Variants in NRG3 observed in about 807,000 individuals in gnomAD.
NRG3 encodes the protein pro-neuregulin-3, membrane-bound isoform.
NRG3 carries 31 observed loss-of-function variants against 66.9 expected under a neutral mutation model. The observed-to-expected ratio is 0.46, with a 90% confidence interval of 0.35 to 0.63. The LOEUF (loss-of-function observed/expected upper bound fraction) is 0.63, where lower values mean the gene tolerates loss of function less well. NRG3 is among the 20% of genes least tolerant of loss of function. NRG3 has a pLI of 0.00. For missense variants in NRG3, 910 were observed against 878.9 expected, an observed-to-expected ratio of 1.04 and a Z score of -0.45; for synonymous variants, 393 against 359.4, an observed-to-expected ratio of 1.09 and a Z score of -1.06.
At chr10:81,952,686 C>T (rs963131469) in intron 1 of NRG3, among the ~76,000 whole-genome samples, 2 of 152,052 alleles carry the variant, frequency 1.3e-5, no homozygotes, top group Non-Finnish European at 2.9e-5. Flanking sequence ...CTGAATGGAG[C>T]CTTGAACTCC....
At chr10:82,240,906 AT>A (rs1198719254) in intron 1 of NRG3, among the ~76,000 whole-genome samples, 1 of 151,896 alleles carries the variant, frequency 6.6e-6, no homozygotes, top group Admixed American at 6.6e-5. Flanking sequence ...AGCCTCTAAG[AT>A]TTTTTTTAAA....
chr10:82,739,962 G>A (rs2058339675), intron 3 of NRG3, among the ~76,000 whole-genome samples: 1 of 151,504 alleles, frequency 6.6e-6, no homozygotes, highest in African/African-American at 2.4e-5. Context: ...TAGGAAACTT[G>A]CATAAAATAA....
chr10:82,700,116 T>G (rs2055746511), intron 2 of NRG3, among the ~76,000 whole-genome samples: 1 of 152,150 alleles, frequency 6.6e-6, no homozygotes, highest in Admixed American at 6.6e-5. Context: ...TGAACTTACT[T>G]TCAGCGCTTG....
At chr10:82,662,304 CA>C in intron 2 of NRG3, among the ~76,000 whole-genome samples, 1 of 152,012 alleles carries the variant, frequency 6.6e-6, no homozygotes, top group South Asian at 2.1e-4. Flanking sequence ...CAGGTATAAT[CA>C]CACTCTGCTT....
intron 3 of NRG3, among the ~76,000 whole-genome samples, chr10:82,833,903 C>T (rs1564547305): frequency 6.6e-6 from 1 of 152,128 alleles, no homozygotes; most frequent in Non-Finnish European, 1.5e-5. Flanking sequence ...TTTAATATTC[C>T]TGTCTCTTAA....
intron 1 of NRG3, among the ~76,000 whole-genome samples, chr10:82,281,737 A>C (rs186637567): frequency 0.016 from 2,385 of 152,294 alleles, 24 homozygotes; most frequent in Middle Eastern, 0.061. Context: ...AAGGGAGGGC[A>C]GAGGAAGATG....
intron 3 of NRG3, among the ~76,000 whole-genome samples, chr10:82,788,608 A>C (rs2060464759): frequency 6.6e-6 from 1 of 152,024 alleles, no homozygotes; most frequent in African/African-American, 2.4e-5. Flanking sequence ...ATGAAAAGAG[A>C]ATAAACTATC....
intron 1 of NRG3, among the ~76,000 whole-genome samples, chr10:82,056,916 T>G (rs1406547820): frequency 6.6e-6 from 1 of 152,184 alleles, no homozygotes; most frequent in Non-Finnish European, 1.5e-5. Context: ...CTATTTATTT[T>G]TACACTGCAA....
chr10:81,991,723 A>G (rs2060748831), intron 1 of NRG3, among the ~76,000 whole-genome samples: 1 of 152,182 alleles, frequency 6.6e-6, no homozygotes, highest in Non-Finnish European at 1.5e-5. Context: ...TTGCTATTTG[A>G]TGATATTTAA....
chr10:82,764,630 T>C (rs2059450345), intron 3 of NRG3, among the ~76,000 whole-genome samples: 1 of 151,014 alleles, frequency 6.6e-6, no homozygotes, highest in Non-Finnish European at 1.5e-5. Flanking sequence ...CCCAAAGTGC[T>C]CCCAAAGTAC....
chr10:82,045,905 C>T (rs540712190), intron 1 of NRG3, among the ~76,000 whole-genome samples: 1 of 151,060 alleles, frequency 6.6e-6, no homozygotes, highest in African/African-American at 2.4e-5. Flanking sequence ...TCTAAGGGCT[C>T]TGTTCTGTTC....
At chr10:82,406,630 TACAG>T (rs2087542419) in intron 2 of NRG3, among the ~76,000 whole-genome samples, 1 of 152,172 alleles carries the variant, frequency 6.6e-6, no homozygotes, top group Admixed American at 6.5e-5. Context: ...TTGCCCAATT[TACAG>T]ACAAAGAAAC....
chr10:82,457,252 A>G (rs867239243), intron 2 of NRG3, among the ~76,000 whole-genome samples: 10 of 151,980 alleles, frequency 6.6e-5, no homozygotes, highest in Non-Finnish European at 1.0e-4. Context: ...GTGGAAGACA[A>G]TTTTTTTCCA....
At chr10:82,982,173 G>A (rs761023857) in intron 8 of NRG3, among the ~76,000 whole-genome samples, 10 of 152,198 alleles carry the variant, frequency 6.6e-5, no homozygotes, top group Admixed American at 6.5e-4. Flanking sequence ...AAGCGTGGAT[G>A]CCTTCAAAAT....
intron 1 of NRG3, among the ~76,000 whole-genome samples, chr10:82,174,972 AT>A (rs1250839924): frequency 1.3e-5 from 2 of 152,044 alleles, no homozygotes; most frequent in African/African-American, 2.4e-5. Context: ...CTCTAAATTG[AT>A]TTTTCCCTCT....
At chr10:82,895,960 G>A (rs2131837490) in intron 4 of NRG3, among the ~76,000 whole-genome samples, 1 of 152,228 alleles carries the variant, frequency 6.6e-6, no homozygotes, top group African/African-American at 2.4e-5. Context: ...ATGAAATACT[G>A]CAGCTAATGT....
At chr10:82,952,293 C>T (rs986726213) in intron 5 of NRG3, among the ~76,000 whole-genome samples, 4 of 151,962 alleles carry the variant, frequency 2.6e-5, no homozygotes, top group African/African-American at 9.7e-5. Context: ...ATTAGTTGGG[C>T]ATGGTGGCGT....
intron 4 of NRG3, among the ~76,000 whole-genome samples, chr10:82,890,453 T>C (rs1202989418): frequency 6.6e-6 from 1 of 152,160 alleles, no homozygotes; most frequent in Non-Finnish European, 1.5e-5. Flanking sequence ...CGAACAAAAC[T>C]GACTTAGACT....
chr10:81,938,448 T>C (rs60553201), intron 1 of NRG3, among the ~76,000 whole-genome samples: 1,603 of 151,538 alleles, frequency 0.011, 25 homozygotes, highest in African/African-American at 0.037. Flanking sequence ...TTTGCCTCCC[T>C]GGTTAAGTTT....
Sources: gnomAD v4.1 joint callset for allele counts (sites outside exome capture counted in the v4.1 genomes callset) on GRCh38, gnomAD v4.1.1 for gene constraint, MANE v1.5 for transcripts, NCBI Gene and HGNC (gene_info 2026-07-23, HGNC 2026-07-21) for gene names.